The following TMEM87A variants were observed in gnomAD, a reference collection of about 807,000 sequenced individuals.
TMEM87A encodes the protein transmembrane protein 87A.
A neutral mutation model predicts 90.0 loss-of-function variants in TMEM87A; 50 were observed. That is an observed-to-expected ratio of 0.56 (90% CI 0.44 to 0.70). The LOEUF (loss-of-function observed/expected upper bound fraction) is 0.70, where lower values mean the gene tolerates loss of function less well. Ranked by LOEUF, TMEM87A falls within the 30% of genes least tolerant of loss-of-function variation. The pLI is 0.00. For missense variants in TMEM87A, 577 were observed against 660.5 expected (o/e 0.87, Z 1.39); for synonymous variants, 226 against 226.7 (o/e 1.00, Z 0.03).
intron 19 of TMEM87A, among the ~76,000 whole-genome samples, chr15:42,215,792 T>C (rs1247569314): frequency 6.6e-6 from 1 of 152,156 alleles, no homozygotes; most frequent in Non-Finnish European, 1.5e-5. Context: ...CTGGTGGAAA[T>C]GTAAAATGGT....
rs190774908 is a variant in TMEM87A, at chr15:42,256,448, T to C, written c.504+4510A>G. Among the ~76,000 whole-genome samples the C allele has an allele frequency of 2.4e-3, 370 of 152,288 alleles. 3 individuals are homozygous for C. Among genetic ancestry groups the C allele is most frequent in the Middle Eastern group, 0.01 (3 of 294 alleles). ...ACCCAGCCTGTGAATATTCTTTAAA[T>C]AGGATTATAAGGTATTTGCCTTGGA... On this transcript the variant is annotated intron_variant, in intron 6 of 19. Coordinates refer to ENST00000389834, the MANE Select transcript of TMEM87A (RefSeq NM_015497.5).
intron 6 of TMEM87A, among the ~76,000 whole-genome samples, chr15:42,260,102 G>A (rs547327076): frequency 6.6e-6 from 1 of 152,334 alleles, no homozygotes; most frequent in Non-Finnish European, 1.5e-5. Flanking sequence ...GCTAGGTGCA[G>A]TGGCTCACGC....
intron 6 of TMEM87A, among the ~76,000 whole-genome samples, chr15:42,253,250 T>C (rs555600840): frequency 1.8e-3 from 281 of 152,362 alleles, no homozygotes; most frequent in African/African-American, 6.1e-3. Context: ...CTAAGGTCTT[T>C]TCTGATCGTA....
intron 16 of TMEM87A, among the ~76,000 whole-genome samples, chr15:42,219,856 C>A (rs1019395268): frequency 2.0e-5 from 3 of 152,138 alleles, no homozygotes; most frequent in African/African-American, 7.2e-5. Context: ...ATTTTTAGCT[C>A]ACTTCTAGCA....
At chr15:42,244,225 A>C (rs974449535) in intron 6 of TMEM87A, 58 bp from the exon 7 acceptor site, 35 of 1,196,240 alleles carry the variant, frequency 2.9e-5, no homozygotes, top group African/African-American at 4.8e-5. Flanking sequence ...GCACAAATTA[A>C]TAATACAATA....
chr15:42,231,159 G>A (rs760562755), intron 12 of TMEM87A, 33 bp downstream of exon 12: 1 of 1,574,870 alleles, frequency 6.3e-7, no homozygotes, highest in African/African-American at 1.4e-5. Context: ...GGAGAAAATG[G>A]ACCATCATCA....
chr15:42,264,195 T>G lies in TMEM87A; in HGVS notation c.300A>C (p.Glu100Asp), dbSNP rs771548426. ...YNEIYNFKAE[E>D]VELYLEKLKE... is the part of the protein sequence containing the mutation. ...TAAGTTTTTCCAAATACAACTCTAC[T>G]TCTTCTGCCTGGAAAAAGAGATAAT... The change falls in exon 4 of 20, where the codon GAA (glutamate) becomes GAC (aspartate). Residue 100 changes from glutamate to aspartate, a missense_variant. Glu to Asp is a conservative substitution (Grantham distance 45). Transcript: ENST00000389834. The G allele has an allele frequency of 4.3e-5, 69 of 1,610,868 alleles. No homozygotes were observed. Among genetic ancestry groups the G allele is most frequent in the Non-Finnish European group, 5.2e-5 (61 of 1,177,772 alleles).
intron 6 of TMEM87A, among the ~76,000 whole-genome samples, chr15:42,260,713 T>C (rs1174961210): frequency 6.6e-6 from 1 of 152,328 alleles, no homozygotes; most frequent in Middle Eastern, 3.4e-3. Context: ...TTTACAGATA[T>C]TTATGGGGGG....
At chr15:42,235,964 T>A (rs1373353016) in intron 10 of TMEM87A, among the ~76,000 whole-genome samples, 1 of 152,142 alleles carries the variant, frequency 6.6e-6, no homozygotes. Context: ...AGAAAAATAT[T>A]TTCAGACAGT....
At chr15:42,263,013 G>T (rs1316587321) in intron 4 of TMEM87A, among the ~76,000 whole-genome samples, 1 of 152,116 alleles carries the variant, frequency 6.6e-6, no homozygotes, top group Non-Finnish European at 1.5e-5. Flanking sequence ...CAAAATTAAG[G>T]TGTGAAATTG....
chr15:42,254,374 G>A (rs1447107237), intron 6 of TMEM87A, among the ~76,000 whole-genome samples: 1 of 152,182 alleles, frequency 6.6e-6, no homozygotes, highest in Non-Finnish European at 1.5e-5. Context: ...CAAATGAGTT[G>A]AAAACTTATG....
intron 11 of TMEM87A, among the ~76,000 whole-genome samples, chr15:42,232,231 T>C (rs1470959623): frequency 4.6e-5 from 7 of 152,146 alleles, no homozygotes; most frequent in Non-Finnish European, 8.8e-5. Flanking sequence ...TAAATTTCTT[T>C]TCTCCTCTTT....
intron 6 of TMEM87A, among the ~76,000 whole-genome samples, chr15:42,255,962 T>C (rs2051174682): frequency 6.8e-6 from 1 of 147,090 alleles, no homozygotes; most frequent in African/African-American, 2.5e-5. Context: ...GTATTTTTAG[T>C]AGAGATGAGG....
chr15:42,227,682 C>T (rs1210992702), intron 14 of TMEM87A, 29 bp downstream of exon 14: 2 of 1,594,846 alleles, frequency 1.3e-6, no homozygotes, highest in African/African-American at 1.3e-5. Context: ...TAAGACAGTA[C>T]ATTATTCATA....
intron 1 of TMEM87A, among the ~76,000 whole-genome samples, 182 bp from the exon 2 acceptor site, chr15:42,272,305 G>C (rs1215301936): frequency 6.6e-6 from 1 of 152,084 alleles, no homozygotes; most frequent in East Asian, 1.9e-4. Context: ...TTTTTCTAAT[G>C]AACTATTCTG....
chr15:42,250,931 T>C lies in TMEM87A; in HGVS notation c.505-6764A>G, dbSNP rs1240423070. 3.9e-5 allele frequency among the ~76,000 whole-genome samples: 6 copies of C among 152,206 alleles called. No individual in the cohort carries two copies. The East Asian group carries it at 1.2e-3, about 29-fold the overall frequency. The stretch of plus-strand genomic sequence containing the variant: ...GTCCCATATTTCTTGCAGGCTTTTT[T>C]CATTTCTTTTTACTCTTTTTTTCTC... On this transcript the variant is annotated intron_variant, in intron 6 of 19. Transcript: ENST00000389834.
In TMEM87A at chr15:42,213,569, A is replaced by C. The variant is rs542960283; in HGVS notation, c.1627-1820T>G. Among the ~76,000 whole-genome samples, 12 of 152,374 alleles carry C rather than the reference A, an allele frequency of 7.9e-5. No homozygotes were observed. The East Asian group carries it at 2.1e-3, about 27-fold the overall frequency. Reference sequence around the variant, plus strand: ...AACAAAAAAAGAGCTGGGCTATGCCACTGGCTCCAGGAGACCCATGATACA... The same window carrying C: ...AACAAAAAAAGAGCTGGGCTATGCCCCTGGCTCCAGGAGACCCATGATACA... On this transcript the variant is annotated intron_variant, in intron 19 of 19. Coordinates refer to ENST00000389834, the MANE Select transcript of TMEM87A (RefSeq NM_015497.5).
At chr15:42,268,146 C>A in intron 2 of TMEM87A, 114 bp from the exon 3 acceptor site, 1 of 680,964 alleles carries the variant, frequency 1.5e-6, no homozygotes, top group South Asian at 2.3e-5. Context: ...TACTCAAAGA[C>A]CATCCTTTCT....
chr15:42,260,073 C>T (rs1191181766), intron 6 of TMEM87A, among the ~76,000 whole-genome samples: 2 of 152,134 alleles, frequency 1.3e-5, no homozygotes, highest in African/African-American at 4.8e-5. Context: ...GCTTTAATAA[C>T]TTTAATAACA....
Sources: allele counts gnomAD v4.1 joint callset (sites outside exome capture counted in the v4.1 genomes callset), GRCh38; gene constraint gnomAD v4.1.1; transcripts MANE v1.5; gene names NCBI Gene and HGNC (gene_info 2026-07-23, HGNC 2026-07-21).